The following TRIM66 variants were observed in gnomAD, a reference collection of about 807,000 sequenced individuals.
TRIM66 encodes tripartite motif-containing protein 66.
A neutral mutation model predicts 148.2 loss-of-function variants in TRIM66; 99 were observed. That is an observed-to-expected ratio of 0.67 (90% CI 0.57 to 0.79). The LOEUF is 0.79. TRIM66 is among the 30% of genes least tolerant of loss of function. TRIM66 has a pLI of 0.00. For synonymous variants in TRIM66, 616 were observed against 635.9 expected (o/e 0.97, Z 0.47); for missense variants, 1,666 against 1,697.9 (o/e 0.98, Z 0.33).
Position 8,658,805 on chromosome 11 carries a change from G to A in TRIM66, c.341-6902C>T, listed in dbSNP as rs550218863. ...TGCCCCCGGCACTGAAGGAGGGTGT[G>A]GGGGGGCCTTCAACAGACATTGAAA... On this transcript the variant is annotated intron_variant, in intron 6 of 24. Coordinates refer to ENST00000646038, the MANE Select transcript of TRIM66 (RefSeq NM_001388022.1). The A allele has an allele frequency of 3.0e-6, 3 of 984,768 alleles. No individual in the cohort carries two copies. In the African/African-American group the frequency reaches 5.3e-5, roughly 17 times the overall value. 61.0% of individuals were successfully genotyped at this position (984,768 alleles called of 1,614,324 possible).
intron 19 of TRIM66, 87 bp from the exon 20 acceptor site, chr11:8,621,408 T>A: frequency 1.4e-6 from 2 of 1,456,750 alleles, no homozygotes; most frequent in Non-Finnish European, 9.1e-7. Context: ...AGGCCCTGCA[T>A]GCCTACATGA....
At position 8,640,620 on chromosome 11, in the gene TRIM66, G is replaced by A. The variant is rs2036292898; in HGVS notation, c.1755C>T (p.His585=). The A allele has an allele frequency of 1.3e-6, 2 of 1,551,636 alleles. No individual in the cohort carries two copies. The highest frequency in any genetic ancestry group is 1.7e-6 in the Non-Finnish European group (2 of 1,146,992). The change falls in exon 14 of 25, where the codon CAC becomes CAT. Residue 585 remains histidine, a synonymous_variant. Coordinates refer to ENST00000646038, the MANE Select transcript of TRIM66 (RefSeq NM_001388022.1). The part of the protein sequence containing the change: ...QTPSIQVQFG[H]HQKLKLSHFQ... ...AGTGACTGAGCTTCAGCTTCTGGTG[G>A]TGGCCAAACTGGACTTGGATAGAGG...
intron 13 of TRIM66, 130 bp from the exon 14 acceptor site, chr11:8,641,282 C>A: frequency 1.2e-6 from 1 of 816,546 alleles, no homozygotes; most frequent in South Asian, 1.9e-5. Flanking sequence ...GAAACTCAAC[C>A]CTTGATCTCC....
intron 7 of TRIM66, 64 bp downstream of exon 7, chr11:8,651,736 T>C (rs2037376858): frequency 7.8e-7 from 1 of 1,286,476 alleles, no homozygotes; most frequent in African/African-American, 1.5e-5. Flanking sequence ...ATAGAAGACT[T>C]ATGGACAGGG....
At chr11:8,632,040 A>AGATT (rs931631195) in intron 15 of TRIM66, among the ~76,000 whole-genome samples, 8 of 152,214 alleles carry the variant, frequency 5.3e-5, no homozygotes, top group African/African-American at 1.9e-4. Context: ...AGAGGAAAAC[A>AGATT]GATTGGTGAA....
rs1379432097 is a variant in TRIM66 at position 8,617,993 on chromosome 11, C to G, written c.4130G>C (p.Arg1377Thr). ...KRRRRHMENE[R>T]AKRMSFRLAN... ...CAGGCGAAATGACATTCTTTTTGCT[C>G]TTTCATTCTCCTGAAAGAAAAATAT... Residue 1377 changes from arginine to threonine, a missense_variant, in exon 25 of 25, where the codon AGA (arginine) becomes ACA (threonine). By Grantham distance (71) the Arg-to-Thr change is moderately conservative. This residue lies in a region of TRIM66 where 204 missense variants were observed against 231.0 expected (regional missense o/e 0.88). Transcript: ENST00000646038. The G allele has an allele frequency of 2.6e-6, 4 of 1,551,510 alleles. No homozygotes were observed. Among genetic ancestry groups the G allele is most frequent in the Non-Finnish European group, 3.5e-6 (4 of 1,146,980 alleles).
chr11:8,620,649 C>T (rs1565472068), intron 20 of TRIM66, 77 bp from the exon 21 acceptor site: 2 of 1,502,102 alleles, frequency 1.3e-6, no homozygotes, highest in Non-Finnish European at 1.8e-6. Flanking sequence ...TGCCCTATGG[C>T]AGGCGTGAGA....
At position 8,618,882 on chromosome 11, in the gene TRIM66, A is replaced by C. The variant is rs1347840326; in HGVS notation, c.3987T>G (p.Phe1329Leu). 6.4e-7 allele frequency: 1 copy of C among 1,551,312 alleles called. No homozygotes were observed. The highest frequency in any genetic ancestry group is 1.4e-5 in the African/African-American group (1 of 72,968). The change falls in exon 24 of 25, where the codon TTT (phenylalanine) becomes TTG (leucine). Residue 1329 changes from phenylalanine to leucine, a missense_variant. Phe to Leu is a conservative substitution (Grantham distance 22). Coordinates refer to ENST00000646038, the MANE Select transcript of TRIM66 (RefSeq NM_001388022.1). ...WLKEIYPEKR[F>L]AQPRQEDSDS... ...CTGAGTCCTCCTGCCTTGGCTGGGC[A>C]AACCGTTTCTCCGGGTAGATCTCCT...
intron 6 of TRIM66, among the ~76,000 whole-genome samples, chr11:8,655,705 C>G (rs2037767922): frequency 1.3e-5 from 2 of 152,042 alleles, no homozygotes; most frequent in African/African-American, 4.8e-5. Flanking sequence ...TTGCTTGAAG[C>G]TAGGAGGCGG....
intron 7 of TRIM66, among the ~76,000 whole-genome samples, chr11:8,651,215 A>T (rs2037327645): frequency 6.6e-6 from 1 of 152,190 alleles, no homozygotes; most frequent in African/African-American, 2.4e-5. Context: ...AGGGTCTGGC[A>T]CATGTGAGAC....
chr11:8,618,679 G>A (rs531383178), intron 24 of TRIM66, 71 bp downstream of exon 24: 133 of 1,391,786 alleles, frequency 9.6e-5, no homozygotes, highest in Non-Finnish European at 1.3e-4. Context: ...CTTCACCTTA[G>A]GTTCTGCTTG....
chr11:8,640,227 C>A lies in TRIM66; in HGVS notation c.2148G>T (p.Gln716His). 1 of 1,550,720 alleles carries A rather than the reference C, an allele frequency of 6.4e-7. No individual in the cohort carries two copies. Reference sequence around the variant, plus strand: ...CACGCCAAGCCACCCTGACGCTTACCTGCAGGGTCTCCTCCTGGCTCTGGG... The same window carrying A: ...CACGCCAAGCCACCCTGACGCTTACATGCAGGGTCTCCTCCTGGCTCTGGG... ...VQSQSQEETL[Q>H]ATDEPPASQG... Residue 716 changes from glutamine to histidine, a missense_variant and splice_region_variant, in exon 14 of 25, where the codon CAG (glutamine) becomes CAT (histidine). Coordinates refer to ENST00000646038, the MANE Select transcript of TRIM66 (RefSeq NM_001388022.1).
intron 6 of TRIM66, chr11:8,663,316 T>A (rs1238507409): frequency 6.6e-6 from 1 of 152,174 alleles, no homozygotes; most frequent in Non-Finnish European, 1.5e-5. Flanking sequence ...GTCCCCCCCT[T>A]ATTCATGGGG....
intron 15 of TRIM66, among the ~76,000 whole-genome samples, chr11:8,634,242 T>C (rs188876711): frequency 6.6e-6 from 1 of 152,326 alleles, no homozygotes; most frequent in East Asian, 1.9e-4. Context: ...CTCGGCTCAC[T>C]ACAACTTCCG....
chr11:8,669,710 A>G (rs2038819153), intron 6 of TRIM66, among the ~76,000 whole-genome samples: 2 of 151,800 alleles, frequency 1.3e-5, no homozygotes, highest in African/African-American at 4.8e-5. Flanking sequence ...CCTATCACTC[A>G]GGCCTCAGGT....
intron 11 of TRIM66, 112 bp downstream of exon 11, chr11:8,646,335 C>T: frequency 1.2e-6 from 1 of 851,764 alleles, no homozygotes; most frequent in South Asian, 1.6e-5. Flanking sequence ...CAGCACAGAG[C>T]TATGGAAGCT....
chr11:8,652,384 G>C (rs2037433710), intron 6 of TRIM66, among the ~76,000 whole-genome samples: 1 of 151,904 alleles, frequency 6.6e-6, no homozygotes. Context: ...GCTTTAGTCA[G>C]AGAAAGGCAA....
At chr11:8,675,293 T>C (rs193085369) in intron 3 of TRIM66, among the ~76,000 whole-genome samples, 23 of 152,396 alleles carry the variant, frequency 1.5e-4, no homozygotes, top group Middle Eastern at 6.8e-3. Flanking sequence ...GCTTGAACGC[T>C]TGAATTTTAT....
rs1338540031 is a variant in TRIM66 at position 8,672,067 on chromosome 11, A to C, written c.59T>G (p.Phe20Cys). 2.0e-6 allele frequency: 3 copies of C among 1,535,282 alleles called. No homozygotes were observed. Among genetic ancestry groups the C allele is most frequent in the African/African-American group, 1.4e-5 (1 of 73,048 alleles). Reference protein sequence around the residue: ...GVELARSTRCFSPEDISGKAP... With the variant: ...GVELARSTRCCSPEDISGKAP... Reference sequence around the variant, plus strand: ...TTTTCCACTGATATCCTCAGGTGAGAAGCAGCGTGTAGAGCGAGCCAGCTC... The same window carrying C: ...TTTTCCACTGATATCCTCAGGTGAGCAGCAGCGTGTAGAGCGAGCCAGCTC... Residue 20 changes from phenylalanine to cysteine, a missense_variant, in exon 6 of 25, where the codon TTC (phenylalanine) becomes TGC (cysteine). Around this residue, in one of 3 missense-constraint regions of TRIM66, gnomAD observed 1,431 missense variants for 1,412.4 expected, o/e 1.01. Coordinates refer to ENST00000646038, the MANE Select transcript of TRIM66 (RefSeq NM_001388022.1).
Sources: allele counts gnomAD v4.1 joint callset (sites outside exome capture counted in the v4.1 genomes callset), GRCh38; gene constraint gnomAD v4.1.1; regional missense constraint gnomAD v4.1.1; transcripts MANE v1.5; gene names NCBI Gene and HGNC (gene_info 2026-07-23, HGNC 2026-07-21).